STAM: variants seen among roughly 807,000 people sequenced by gnomAD.
STAM encodes the protein signal transducing adaptor molecule.
In STAM, 16 loss-of-function variants were observed where a neutral mutation model predicts 63.4. That is an observed-to-expected ratio of 0.25 (90% CI 0.17 to 0.38). The LOEUF is 0.38. STAM is among the 10% of genes least tolerant of loss of function. The pLI, the probability that STAM is intolerant of heterozygous loss-of-function variation, is 1.00. For synonymous variants in STAM, 238 were observed against 223.9 expected, an observed-to-expected ratio of 1.06 and a Z score of -0.56; for missense variants, 636 against 657.1, an observed-to-expected ratio of 0.97 and a Z score of 0.35.
At chr10:17,677,406 TA>T (rs536422058) in intron 2 of STAM, among the ~76,000 whole-genome samples, 26 of 152,322 alleles carry the variant, frequency 1.7e-4, no homozygotes, top group African/African-American at 5.8e-4. Flanking sequence ...ATCTTTAGAT[TA>T]TTTTTTACTG....
intron 1 of STAM, among the ~76,000 whole-genome samples, chr10:17,646,582 TATACTTCTTCA>T (rs1833529163): frequency 6.6e-6 from 1 of 152,230 alleles, no homozygotes. Flanking sequence ...TGCCAGACAT[TATACTTCTTCA>T]GTGTAGCAAC....
intron 5 of STAM, among the ~76,000 whole-genome samples, chr10:17,688,809 A>T (rs1379223213): frequency 6.6e-6 from 1 of 152,154 alleles, no homozygotes; most frequent in African/African-American, 2.4e-5. Flanking sequence ...TAATTAGGTA[A>T]CACTGTCTTT....
chr10:17,658,498 T>C (rs1234917339), intron 1 of STAM, among the ~76,000 whole-genome samples: 1 of 151,920 alleles, frequency 6.6e-6, no homozygotes, highest in Non-Finnish European at 1.5e-5. Flanking sequence ...TCCTTTCTGA[T>C]TTTCTGCCTA....
chr10:17,716,636 A>AT lies in STAM; in HGVS notation c.*1860dup, dbSNP rs1836827565. Among the ~76,000 whole-genome samples the AT allele has an allele frequency of 6.6e-6, 1 of 152,064 alleles. No homozygotes were observed. The highest frequency in any genetic ancestry group is 2.4e-5 in the African/African-American group (1 of 41,396). On this transcript the variant is annotated 3_prime_UTR_variant, in exon 14 of 14. Transcript: ENST00000377524. Reference sequence around the variant, plus strand: ...CCTGTTTACCAATGTTAAATGTATCATTTTCCCATTTTAATTTTGATATCT... The same window carrying AT: ...CCTGTTTACCAATGTTAAATGTATCATTTTTCCCATTTTAATTTTGATATCT...
chr10:17,671,481 T>A (rs1834639290), intron 2 of STAM, among the ~76,000 whole-genome samples: 1 of 152,204 alleles, frequency 6.6e-6, no homozygotes, highest in Non-Finnish European at 1.5e-5. Context: ...AAGCTTCAAA[T>A]CGTTTTTCTA....
At position 17,704,489 on chromosome 10, in the gene STAM, C is replaced by G. The variant is rs1417993352; in HGVS notation, c.971C>G (p.Pro324Arg). The G allele has an allele frequency of 2.5e-6, 4 of 1,613,962 alleles. No homozygotes were observed. Among genetic ancestry groups the G allele is most frequent in the Non-Finnish European group, 3.4e-6 (4 of 1,179,986 alleles). The stretch of plus-strand genomic sequence containing the variant: ...AGTACAGACCCCAGTGATGATCAGC[C>G]AGACCTACCAGAGCTGCTTCATCTT... ...LQSTDPSDDQPDLPELLHLEA... is the reference protein window; with the variant it reads ...LQSTDPSDDQRDLPELLHLEA... Residue 324 changes from proline to arginine, a missense_variant, in exon 10 of 14, where the codon CCA becomes CGA. Pro to Arg is a moderately radical substitution (Grantham distance 103). Coordinates refer to ENST00000377524, the MANE Select transcript of STAM (RefSeq NM_003473.4).
intron 2 of STAM, among the ~76,000 whole-genome samples, chr10:17,672,697 T>C (rs1554824202): frequency 1.3e-5 from 2 of 152,216 alleles, no homozygotes; most frequent in African/African-American, 4.8e-5. Context: ...ATTGGACACA[T>C]TTGAGAGACG....
chr10:17,670,365 A>G (rs781859426), intron 2 of STAM, among the ~76,000 whole-genome samples: 3 of 152,240 alleles, frequency 2.0e-5, no homozygotes, highest in Non-Finnish European at 2.9e-5. Context: ...TGACTTGTCT[A>G]AAACGAGTGA....
Position 17,693,217 on chromosome 10 carries a change from G to A in STAM, c.445-5G>A, listed in dbSNP as rs782239485. 2.5e-6 allele frequency: 4 copies of A among 1,610,196 alleles called. No individual in the cohort carries two copies. In the South Asian group the frequency reaches 4.4e-5, roughly 18 times the overall value. ...CTCAAATACTGTGTTCCTCTTTTTT[G>A]TTAGGCTGCAGAACAAGCAAAAGCA... On this transcript the variant is annotated splice_polypyrimidine_tract_variant and splice_region_variant and intron_variant, in intron 5 of 13. Coordinates refer to ENST00000377524, the MANE Select transcript of STAM (RefSeq NM_003473.4).
At chr10:17,699,693 G>A (rs904737166) in intron 8 of STAM, among the ~76,000 whole-genome samples, 4 of 152,210 alleles carry the variant, frequency 2.6e-5, no homozygotes, top group Admixed American at 6.5e-5. Flanking sequence ...AAACGCCTAC[G>A]TGGCACGCCA....
At chr10:17,687,936 A>C (rs1222868832) in intron 4 of STAM, 91 bp from the exon 5 acceptor site, 1 of 1,127,246 alleles carries the variant, frequency 8.9e-7, no homozygotes, top group Non-Finnish European at 1.2e-6. Flanking sequence ...GATTCAAAAA[A>C]CATCACTTAA....
At chr10:17,664,648 G>GT (rs1834305633) in intron 2 of STAM, among the ~76,000 whole-genome samples, 2 of 152,262 alleles carry the variant, frequency 1.3e-5, no homozygotes, top group Admixed American at 1.3e-4. Context: ...ACTATAACAT[G>GT]TAAGTGGGTT....
intron 1 of STAM, among the ~76,000 whole-genome samples, chr10:17,653,462 A>T (rs1554821768): frequency 6.6e-6 from 1 of 152,180 alleles, no homozygotes; most frequent in South Asian, 2.1e-4. Context: ...GGTGATACAC[A>T]CTGATGTATT....
At chr10:17,676,955 T>C (rs999320585) in intron 2 of STAM, among the ~76,000 whole-genome samples, 6 of 152,110 alleles carry the variant, frequency 3.9e-5, no homozygotes, top group Non-Finnish European at 8.8e-5. Flanking sequence ...AAAAACTGAA[T>C]TAAAAATGCA....
At chr10:17,651,846 C>T (rs1356893072) in intron 1 of STAM, among the ~76,000 whole-genome samples, 2 of 152,188 alleles carry the variant, frequency 1.3e-5, no homozygotes, top group Non-Finnish European at 2.9e-5. Flanking sequence ...CAGTCCTTTC[C>T]TCACCACCTA....
In STAM at chr10:17,688,092, T is replaced by C. The variant is rs1835369191; in HGVS notation, c.363T>C (p.Asn121=). ...LMVEWTDEFK[N]DPQLSLISAM... ...TTGAATGGACAGATGAATTTAAGAA[T>C]GATCCACAGCTTAGTCTAATATCAG... Residue 121 remains asparagine, a synonymous_variant, in exon 5 of 14, where the codon AAT becomes AAC. Transcript: ENST00000377524. The C allele has an allele frequency of 1.9e-6, 3 of 1,610,848 alleles. No homozygotes were observed. The African/African-American group carries it at 4.0e-5, about 22-fold the overall frequency.
intron 2 of STAM, 69 bp from the exon 3 acceptor site, chr10:17,684,606 A>C (rs1372776691): frequency 7.9e-7 from 1 of 1,261,840 alleles, no homozygotes; most frequent in Non-Finnish European, 1.1e-6. Context: ...TCTTTTGTCT[A>C]TAACAGTTAA....
chr10:17,657,434 A>T (rs782332540), intron 1 of STAM, among the ~76,000 whole-genome samples: 9 of 152,080 alleles, frequency 5.9e-5, no homozygotes, highest in African/African-American at 9.7e-5. Flanking sequence ...GTTTTCTTGT[A>T]ATGTTTTTGT....
rs782237766 is a variant in STAM, at chr10:17,708,873, C to G, written c.1307C>G (p.Ser436Cys). ...QSYSLPPEQLSSLSQAVVPPS... is the reference protein window; with the variant it reads ...QSYSLPPEQLCSLSQAVVPPS... The stretch of plus-strand genomic sequence containing the variant: ...TACAGTCTTCCCCCGGAGCAGCTGT[C>G]TTCTCTCAGCCAGGCAGTGGTCCCA... The change falls in exon 13 of 14, where the codon TCT becomes TGT. Residue 436 changes from serine to cysteine, a missense_variant. By Grantham distance (112) the Ser-to-Cys change is moderately radical. This residue lies in a region of STAM where 532 missense variants were observed against 536.9 expected (regional missense o/e 0.99). Transcript: ENST00000377524. 10 of 1,614,202 alleles carry G rather than the reference C, an allele frequency of 6.2e-6. No homozygotes were observed. The Admixed American group carries it at 1.3e-4, about 22-fold the overall frequency.
Sources: gnomAD v4.1 joint callset for allele counts (sites outside exome capture counted in the v4.1 genomes callset) on GRCh38, gnomAD v4.1.1 for gene constraint, gnomAD v4.1.1 regional missense constraint, MANE v1.5 for transcripts, NCBI Gene and HGNC (gene_info 2026-07-23, HGNC 2026-07-21) for gene names.